Variants in DDX60L observed in about 807,000 individuals in gnomAD.
DDX60L encodes probable ATP-dependent RNA helicase DDX60-like.
In DDX60L, 191 loss-of-function variants were observed where a neutral mutation model predicts 211.6. The ratio of observed to expected loss-of-function variants is 0.90; its 90% CI spans 0.80 to 1.02. The LOEUF (loss-of-function observed/expected upper bound fraction) is 1.02. Ranked by LOEUF, DDX60L falls within the 50% of genes least tolerant of loss-of-function variation. The pLI is 0.00. For missense variants in DDX60L, 2,007 were observed against 1,984.1 expected, an observed-to-expected ratio of 1.01 and a Z score of -0.22; for synonymous variants, 706 against 694.1, an observed-to-expected ratio of 1.02 and a Z score of -0.27.
At chr4:168,365,214 A>G (rs966957659) in intron 36 of DDX60L, among the ~76,000 whole-genome samples, 2 of 152,248 alleles carry the variant, frequency 1.3e-5, no homozygotes, top group Non-Finnish European at 1.5e-5. Flanking sequence ...CAAAAAATGC[A>G]ATTTGAAAGG....
At chr4:168,403,293 T>C (rs1405297996) in intron 25 of DDX60L, among the ~76,000 whole-genome samples, 5 of 151,924 alleles carry the variant, frequency 3.3e-5, no homozygotes, top group African/African-American at 1.2e-4. Context: ...CCATTTAACG[T>C]ATCTACACAC....
chr4:168,416,551 C>T lies in DDX60L; in HGVS notation c.2726+131G>A, dbSNP rs540426420. On this transcript the variant is annotated intron_variant, in intron 20 of 37. Transcript: ENST00000682922. ...CTGGGCAACAAAGCAAGACCACTGA[C>T]GTTTCAAAGATTGGGTAATAAATTT... 137 of 513,970 alleles carry T rather than the reference C, an allele frequency of 2.7e-4. 3 individuals carry two copies. In the South Asian group the frequency reaches 3.4e-3, roughly 13 times the overall value. The allele number at this position is 513,970 out of a possible 1,614,324, so 31.8% of individuals were successfully genotyped here.
chr4:168,407,437 C>T (rs975015761), intron 22 of DDX60L, among the ~76,000 whole-genome samples: 7 of 152,164 alleles, frequency 4.6e-5, no homozygotes, highest in Admixed American at 2.0e-4. Context: ...CTTTTGGCTT[C>T]AATCACCACT....
chr4:168,385,076 T>C (rs1411193592), intron 29 of DDX60L, among the ~76,000 whole-genome samples: 1 of 152,284 alleles, frequency 6.6e-6, no homozygotes, highest in Non-Finnish European at 1.5e-5. Flanking sequence ...AATATCTGTA[T>C]GTGAATGAGT....
chr4:168,376,467 A>G (rs540478463), intron 33 of DDX60L, among the ~76,000 whole-genome samples: 2 of 152,300 alleles, frequency 1.3e-5, no homozygotes, highest in Non-Finnish European at 2.9e-5. Context: ...TCAGGTAAGA[A>G]TTTTCCAGGG....
Position 168,422,550 on chromosome 4 carries a change from G to T in DDX60L, c.2218C>A (p.Gln740Lys). 6.2e-7 allele frequency: 1 copy of T among 1,612,270 alleles called. No individual in the cohort carries two copies. Among genetic ancestry groups the T allele is most frequent in the Middle Eastern group, 1.7e-4 (1 of 6,052 alleles). The part of the protein sequence containing the change: ...DERKDRDPRV[Q>K]DFIPNAWQQE... ...TGCCATGCGTTGGGAATAAAATCCT[G>T]GACCCTGGGATCCCGATCTTTTCTT... The change falls in exon 16 of 38, where the codon CAG (glutamine) becomes AAG (lysine). Residue 740 changes from glutamine (Q) to lysine (K), a missense_variant. Transcript: ENST00000682922.
chr4:168,360,962 G>A (rs746234413), intron 37 of DDX60L, among the ~76,000 whole-genome samples, 187 bp downstream of exon 37: 33 of 152,210 alleles, frequency 2.2e-4, no homozygotes, highest in Non-Finnish European at 4.1e-4. Context: ...AAAAAACAGC[G>A]TGACAGTGTC....
At chr4:168,375,352 C>A (rs372871403) in intron 34 of DDX60L, 25 bp downstream of exon 34, 7 of 1,603,610 alleles carry the variant, frequency 4.4e-6, no homozygotes, top group East Asian at 2.2e-5. Flanking sequence ...TAAATTGTTC[C>A]GGAATGGAAC....
At chr4:168,373,024 A>G (rs1324180584) in intron 35 of DDX60L, among the ~76,000 whole-genome samples, 7 of 152,186 alleles carry the variant, frequency 4.6e-5, no homozygotes, top group Admixed American at 1.3e-4. Context: ...AAATTTTTAG[A>G]TATCAACCCA....
rs1749433842 is a variant in DDX60L, at chr4:168,415,663, T to C, written c.2863A>G (p.Arg955Gly). The C allele has an allele frequency of 6.3e-7, 1 of 1,580,848 alleles. No individual in the cohort carries two copies. The highest frequency in any genetic ancestry group is 2.3e-5 in the East Asian group (1 of 44,064). ...HSYKNQSYEV[R>G]LVLCGERYND... ...ATAAAAAAAATAAGCTTACCAAGTC[T>C]AACTTCATATGATTGATTTTTATAT... Residue 955 changes from arginine (R) to glycine (G), a missense_variant, in exon 21 of 38, where the codon AGA becomes GGA. Arg to Gly is a moderately radical substitution (Grantham distance 125). Coordinates refer to ENST00000682922, the MANE Select transcript of DDX60L (RefSeq NM_001012967.3).
chr4:168,366,453 T>C (rs1234918709), intron 36 of DDX60L, among the ~76,000 whole-genome samples: 5 of 152,012 alleles, frequency 3.3e-5, no homozygotes, highest in Admixed American at 2.6e-4. Flanking sequence ...CACTGAAAAC[T>C]GTAAAACATT....
chr4:168,366,520 A>T (rs1253102584), intron 36 of DDX60L, among the ~76,000 whole-genome samples: 1 of 152,136 alleles, frequency 6.6e-6, no homozygotes, highest in African/African-American at 2.4e-5. Flanking sequence ...CGTTCAGGGA[A>T]TGAAAAAAAT....
chr4:168,358,754 G>A (rs1052625553), intron 37 of DDX60L, among the ~76,000 whole-genome samples: 4 of 151,792 alleles, frequency 2.6e-5, no homozygotes, highest in African/African-American at 4.8e-5. Flanking sequence ...TCCTGACCTC[G>A]TGATCCACCC....
chr4:168,427,878 T>C (rs902093652), intron 13 of DDX60L, among the ~76,000 whole-genome samples: 7 of 152,164 alleles, frequency 4.6e-5, no homozygotes, highest in African/African-American at 1.7e-4. Context: ...AGATCAAACA[T>C]TTAATTCCCA....
intron 29 of DDX60L, among the ~76,000 whole-genome samples, chr4:168,386,796 A>G (rs773469691): frequency 2.0e-5 from 3 of 152,212 alleles, no homozygotes; most frequent in Non-Finnish European, 4.4e-5. Flanking sequence ...ATGACAGCAG[A>G]GAAGAAAAAA....
chr4:168,392,150 T>C (rs1744948604), intron 28 of DDX60L, among the ~76,000 whole-genome samples: 1 of 152,236 alleles, frequency 6.6e-6, no homozygotes, highest in African/African-American at 2.4e-5. Context: ...AATAATGTTT[T>C]GTCTTACGTA....
chr4:168,461,744 T>C lies in DDX60L; in HGVS notation c.561A>G (p.Ala187=), dbSNP rs755313565. 8.1e-6 allele frequency: 13 copies of C among 1,598,698 alleles called. No individual in the cohort carries two copies. The highest frequency in any genetic ancestry group is 1.1e-5 in the South Asian group (1 of 88,804). The change falls in exon 5 of 38, where the codon GCA becomes GCG. Residue 187 remains alanine, a synonymous_variant. Coordinates refer to ENST00000682922, the MANE Select transcript of DDX60L (RefSeq NM_001012967.3). The part of the protein sequence containing the change: ...GHESDTLRFY[A]YTMESTDRNQ... ...TTCTGTCTGTGCTTTCCATAGTATATGCATAAAATCTGAGAGTATCAGATT... is the reference window on the plus strand; with the variant it reads ...TTCTGTCTGTGCTTTCCATAGTATACGCATAAAATCTGAGAGTATCAGATT...
intron 5 of DDX60L, 49 bp downstream of exon 5, chr4:168,461,650 G>T: frequency 1.5e-6 from 2 of 1,292,152 alleles, no homozygotes; most frequent in Non-Finnish European, 2.1e-6. Context: ...GTGATTTTGA[G>T]AATTAAAACA....
chr4:168,386,148 C>T (rs1426204299), intron 29 of DDX60L, among the ~76,000 whole-genome samples: 1 of 152,028 alleles, frequency 6.6e-6, no homozygotes, highest in Non-Finnish European at 1.5e-5. Flanking sequence ...AATAGTTGAG[C>T]CCTGACTGGG....
Sources: allele counts gnomAD v4.1 joint callset (sites outside exome capture counted in the v4.1 genomes callset), GRCh38; gene constraint gnomAD v4.1.1; transcripts MANE v1.5; gene names NCBI Gene and HGNC (gene_info 2026-07-23, HGNC 2026-07-21).